Variants in MRE11 observed in about 807,000 individuals in gnomAD.
MRE11 encodes the protein MRE11 double strand break repair nuclease.
In MRE11, 62 loss-of-function variants were observed where a neutral mutation model predicts 91.7. The observed-to-expected ratio is 0.68, with a 90% confidence interval of 0.55 to 0.84. MRE11 has a LOEUF of 0.84. MRE11 is among the 40% of genes least tolerant of loss of function. The pLI is 0.00. For synonymous variants in MRE11, 273 were observed against 271.4 expected (o/e 1.01, Z -0.06); for missense variants, 796 against 852.9 (o/e 0.93, Z 0.83).
intron 12 of MRE11, 144 bp downstream of exon 12, chr11:94,460,792 G>T (rs901827877): frequency 2.1e-5 from 15 of 715,250 alleles, no homozygotes; most frequent in Non-Finnish European, 3.4e-5. Flanking sequence ...AACTGCAAAT[G>T]AATGTAATTA....
At chr11:94,438,601 A>G (rs889027148) in intron 16 of MRE11, among the ~76,000 whole-genome samples, 77 of 152,368 alleles carry the variant, frequency 5.1e-4, no homozygotes, top group African/African-American at 1.7e-3. Context: ...GATCCTAGAA[A>G]ACAAGATACC....
intron 19 of MRE11, among the ~76,000 whole-genome samples, chr11:94,422,202 T>C (rs975403396): frequency 1.3e-5 from 2 of 152,186 alleles, no homozygotes; most frequent in Non-Finnish European, 2.9e-5. Flanking sequence ...CATGTAGTTT[T>C]ATTTAAACTT....
chr11:94,501,473 G>A, the MRE11 span, among the ~76,000 whole-genome samples: 73 of 152,110 alleles, frequency 4.8e-4, 2 homozygotes, highest in Admixed American at 4.8e-3. Flanking sequence ...ATATATATAT[G>A]ACAATACATC....
intron 13 of MRE11, among the ~76,000 whole-genome samples, chr11:94,459,191 G>C (rs1261519551): frequency 5.3e-5 from 8 of 152,048 alleles, no homozygotes; most frequent in Non-Finnish European, 5.9e-5. Flanking sequence ...CTATCCATGG[G>C]GAACAAAACA....
intron 4 of MRE11, chr11:94,483,671 A>G (rs981710297): frequency 6.6e-6 from 1 of 152,636 alleles, no homozygotes; most frequent in Non-Finnish European, 1.5e-5. Flanking sequence ...CTTGGCGGGT[A>G]TGTCTTTATC....
At chr11:94,464,367 CAGT>C in intron 10 of MRE11, 128 bp from the exon 11 acceptor site, 1 of 1,264,728 alleles carries the variant, frequency 7.9e-7, no homozygotes, top group Non-Finnish European at 1.1e-6. Flanking sequence ...TAATTTTCTA[CAGT>C]AGATCATGAT....
At chr11:94,426,520 A>C (rs2134769638) in intron 19 of MRE11, among the ~76,000 whole-genome samples, 1 of 152,006 alleles carries the variant, frequency 6.6e-6, no homozygotes, top group South Asian at 2.1e-4. Context: ...TAAAAGAACA[A>C]ACCAGCCCCC....
At position 94,476,322 on chromosome 11, in the gene MRE11, G is replaced by A. The variant is rs1555014479; in HGVS notation, c.626C>T (p.Ser209Phe). ...ATGAATCACAAATAAGTTAAACCAA[G>A]AGTTCTCATCTTCCTTTGGTCTCAA... Reference protein sequence around the residue: ...TMLRPKEDENSWFNLFVIHQN... With the variant: ...TMLRPKEDENFWFNLFVIHQN... The change falls in exon 7 of 20, where the codon TCT becomes TTT. Residue 209 changes from serine to phenylalanine, a missense_variant. By Grantham distance (155) the Ser-to-Phe change is radical. Coordinates refer to ENST00000323929, the MANE Select transcript of MRE11 (RefSeq NM_005591.4). 1 of 1,613,096 alleles carries A rather than the reference G, an allele frequency of 6.2e-7. No homozygotes were observed. The highest frequency in any genetic ancestry group is 8.5e-7 in the Non-Finnish European group (1 of 1,179,414).
chr11:94,439,579 C>T (rs1945719286), intron 16 of MRE11, among the ~76,000 whole-genome samples: 1 of 152,194 alleles, frequency 6.6e-6, no homozygotes, highest in Non-Finnish European at 1.5e-5. Flanking sequence ...AATAAAATTA[C>T]TCTGAAGTCA....
intron 13 of MRE11, 52 bp downstream of exon 13, chr11:94,459,356 T>C: frequency 6.3e-7 from 1 of 1,593,432 alleles, no homozygotes; most frequent in East Asian, 2.2e-5. Flanking sequence ...TCAGAGCTAC[T>C]CTTAAAGACA....
chr11:94,436,892 T>C (rs1358768908), intron 17 of MRE11, among the ~76,000 whole-genome samples: 2 of 152,236 alleles, frequency 1.3e-5, no homozygotes, highest in African/African-American at 4.8e-5. Flanking sequence ...TCAATATTAG[T>C]ATTCCATGTA....
chr11:94,485,913 A>G lies in MRE11; in HGVS notation c.314+11T>C. 5 of 1,610,236 alleles carry G rather than the reference A, an allele frequency of 3.1e-6. No homozygotes were observed. The highest frequency in any genetic ancestry group is 4.2e-6 in the Non-Finnish European group (5 of 1,178,092). ...AAGTAATCACTCACTCAAGTAAATA[A>G]ATATACTTACTTACTAAAACCAAAG... is the stretch of plus-strand genomic sequence containing the variant. On this transcript the variant is annotated intron_variant, in intron 4 of 19. Transcript: ENST00000323929.
chr11:94,471,865 T>C (rs1420338071), intron 7 of MRE11, 106 bp from the exon 8 acceptor site: 1 of 871,876 alleles, frequency 1.1e-6, no homozygotes, highest in African/African-American at 1.7e-5. Context: ...TTTTATTGCA[T>C]CCTTCTATGT....
intron 11 of MRE11, among the ~76,000 whole-genome samples, chr11:94,461,841 C>T (rs1356032480): frequency 2.6e-5 from 4 of 152,106 alleles, no homozygotes; most frequent in Admixed American, 6.5e-5. Context: ...TTTGAGAGGC[C>T]GAGGTGGGCG....
At chr11:94,496,764 T>C (rs1447862239), upstream of MRE11, 3 of 1,613,796 alleles carry the variant, frequency 1.9e-6, no homozygotes, top group Non-Finnish European at 2.5e-6. Context: ...TCTGAACACT[T>C]TAACCAACTT....
intron 19 of MRE11, among the ~76,000 whole-genome samples, chr11:94,428,629 C>T (rs1287889349): frequency 6.6e-6 from 1 of 151,894 alleles, no homozygotes; most frequent in African/African-American, 2.4e-5. Context: ...TTTGGGAGGC[C>T]GAGGCAGGTG....
At chr11:94,435,731 C>T in intron 18 of MRE11, 101 bp downstream of exon 18, 2 of 963,304 alleles carry the variant, frequency 2.1e-6, no homozygotes, top group Non-Finnish European at 3.3e-6. Flanking sequence ...GAAAATAAGT[C>T]TGTTAAACTT....
chr11:94,422,524 A>G (rs1167293992), intron 19 of MRE11, among the ~76,000 whole-genome samples: 1 of 150,014 alleles, frequency 6.7e-6, no homozygotes, highest in East Asian at 1.9e-4. Context: ...TTCTCCAAAT[A>G]TAAGTAAATG....
chr11:94,481,101 G>A (rs1472651334), intron 4 of MRE11, among the ~76,000 whole-genome samples: 1 of 152,140 alleles, frequency 6.6e-6, no homozygotes, highest in Non-Finnish European at 1.5e-5. Flanking sequence ...CTGAGGTCAG[G>A]AGTTCGAGAT....
Sources: allele counts gnomAD v4.1 joint callset (sites outside exome capture counted in the v4.1 genomes callset), GRCh38; gene constraint gnomAD v4.1.1; transcripts MANE v1.5; gene names NCBI Gene and HGNC (gene_info 2026-07-23, HGNC 2026-07-21).